The following ZSCAN18 variants were observed in gnomAD, a reference collection of about 807,000 sequenced individuals.
The protein encoded by ZSCAN18 is zinc finger and SCAN domain containing 18, also known as zinc finger and SCAN domain-containing protein 18.
ZSCAN18 carries 16 observed loss-of-function variants against 31.1 expected under a neutral mutation model. That is an observed-to-expected ratio of 0.51 (90% confidence interval 0.35 to 0.78). The LOEUF (loss-of-function observed/expected upper bound fraction) is 0.78. Ranked by LOEUF, ZSCAN18 falls within the 30% of genes least tolerant of loss-of-function variation. The pLI, the probability that ZSCAN18 is intolerant of heterozygous loss-of-function variation, is 0.01. For synonymous variants in ZSCAN18, 375 were observed against 320.7 expected (o/e 1.17, Z -1.81); for missense variants, 731 against 697.4 (o/e 1.05, Z -0.54).
Position 58,098,210 on chromosome 19 carries a change from C to G in ZSCAN18, c.-156G>C, listed in dbSNP as rs1210943474. 2.0e-6 allele frequency: 2 copies of G among 985,530 alleles called. No homozygotes were observed. Among genetic ancestry groups the G allele is most frequent in the Non-Finnish European group, 2.4e-6 (2 of 830,010 alleles). The allele number at this position is 985,530 out of a possible 1,614,324, so 61.0% of individuals were successfully genotyped here. A position where few individuals can be genotyped will look rare whatever the true frequency, so the allele number is the denominator to read the frequency against. On this transcript the variant is annotated 5_prime_UTR_variant, in exon 1 of 7. Transcript: ENST00000601144. The stretch of plus-strand genomic sequence containing the variant: ...CTACCCCAGGCCGGTCCCAGCCGCC[C>G]GGAGCCCCAGTGCGCGATGGCGGCC...
In ZSCAN18 at chr19:58,088,822, G is replaced by A; in HGVS notation, c.419C>T (p.Ser140Phe). ...AAGAATTGAGGATGAGCCCGCAGGGGAGCCCAGCAGCATCCCTGTCAACAG... is the reference window on the plus strand; with the variant it reads ...AAGAATTGAGGATGAGCCCGCAGGGAAGCCCAGCAGCATCCCTGTCAACAG... ...VLEEPGMLLG[S>F]PAGSSSILSD... Residue 140 changes from serine (S) to phenylalanine (F), a missense_variant, in exon 3 of 7, where the codon TCC (serine) becomes TTC (phenylalanine). Ser to Phe is a radical substitution (Grantham distance 155, BLOSUM62 -2). Coordinates refer to ENST00000601144, the MANE Select transcript of ZSCAN18 (RefSeq NM_001145543.2). The A allele has an allele frequency of 6.2e-7, 1 of 1,611,894 alleles. No homozygotes were observed. The highest frequency in any genetic ancestry group is 8.5e-7 in the Non-Finnish European group (1 of 1,179,100).
intron 1 of ZSCAN18, chr19:58,107,529 G>T: frequency 2.1e-6 from 1 of 467,970 alleles, no homozygotes; most frequent in Non-Finnish European, 2.8e-6. Context: ...CTACTGCACT[G>T]CAGCCTGGGT....
Position 58,089,912 on chromosome 19 carries a change from T to A in ZSCAN18, c.356A>T (p.Lys119Met). Residue 119 changes from lysine (K) to methionine (M), a missense_variant, in exon 2 of 7, where the codon AAG becomes ATG. This residue lies in a region of ZSCAN18 where 46 missense variants were observed against 60.6 expected (regional missense o/e 0.76). Coordinates refer to ENST00000601144, the MANE Select transcript of ZSCAN18 (RefSeq NM_001145543.2). ...GAGGCCCTCCACCAGGGAGGCTGCCTTCTTGCAGCTCTCAGGGTACTGTGC... is the reference window on the plus strand; with the variant it reads ...GAGGCCCTCCACCAGGGAGGCTGCCATCTTGCAGCTCTCAGGGTACTGTGC... ...VVAQYPESCK[K>M]AASLVEGLAD... The A allele has an allele frequency of 6.2e-7, 1 of 1,613,738 alleles. No individual in the cohort carries two copies. The highest frequency in any genetic ancestry group is 8.5e-7 in the Non-Finnish European group (1 of 1,179,730).
At chr19:58,092,845 C>T (rs12981202) in intron 1 of ZSCAN18, 72,569 of 382,420 alleles carry the variant, frequency 0.19, 7,270 homozygotes, top group Middle Eastern at 0.34. Flanking sequence ...ATGATCATAG[C>T]TTATTGCAGC....
At position 58,089,853 on chromosome 19, in the gene ZSCAN18, G is replaced by C. The variant is rs200472177; in HGVS notation, c.403+12C>G. The C allele has an allele frequency of 1.3e-6, 2 of 1,599,522 alleles. No homozygotes were observed. Among genetic ancestry groups the C allele is most frequent in the East Asian group, 2.2e-5 (1 of 44,724 alleles). On this transcript the variant is annotated intron_variant, in intron 2 of 6. Transcript: ENST00000601144. ...CTCCTCTGAGCCATGCTTCTCCTCT[G>C]TGACAGCCCACCTGGCTCTTCCAGG...
intron 1 of ZSCAN18, among the ~76,000 whole-genome samples, chr19:58,114,975 G>T (rs73939247): frequency 7.2e-5 from 11 of 152,314 alleles, no homozygotes; most frequent in African/African-American, 2.6e-4. Context: ...TGATGCTAGC[G>T]CTAGAAGCTG....
intron 1 of ZSCAN18, among the ~76,000 whole-genome samples, chr19:58,110,339 C>A (rs1370633119): frequency 2.0e-5 from 3 of 152,178 alleles, no homozygotes; most frequent in Non-Finnish European, 4.4e-5. Context: ...CTTCCTTCAC[C>A]TGTCCCACCC....
intron 1 of ZSCAN18, among the ~76,000 whole-genome samples, chr19:58,114,988 A>G (rs757543108): frequency 7.2e-5 from 11 of 152,206 alleles, no homozygotes; most frequent in Non-Finnish European, 1.2e-4. Flanking sequence ...AGAAGCTGTT[A>G]AAAAACAACT....
chr19:58,103,109 G>A (rs1001536691), upstream of ZSCAN18, among the ~76,000 whole-genome samples: 8 of 145,616 alleles, frequency 5.5e-5, no homozygotes, highest in East Asian at 2.0e-4. Context: ...GTGACACAGC[G>A]AGACTCTCTC....
intron 1 of ZSCAN18, chr19:58,107,819 T>A (rs923715555): frequency 5.0e-5 from 50 of 999,884 alleles, no homozygotes; most frequent in Admixed American, 5.9e-5. Flanking sequence ...TTGGGAAAAC[T>A]TTCCCACACT....
At chr19:58,110,205 C>T (rs1010914848) in intron 1 of ZSCAN18, among the ~76,000 whole-genome samples, 1 of 152,166 alleles carries the variant, frequency 6.6e-6, no homozygotes, top group Non-Finnish European at 1.5e-5. Context: ...GAAGTCCCTT[C>T]ACTGAGAAGA....
intron 1 of ZSCAN18, among the ~76,000 whole-genome samples, chr19:58,091,634 C>T (rs1168206232): frequency 6.6e-6 from 1 of 152,112 alleles, no homozygotes; most frequent in African/African-American, 2.4e-5. Context: ...TACAGGGCAG[C>T]CCTATCATTA....
At chr19:58,089,754 C>T in intron 2 of ZSCAN18, 111 bp downstream of exon 2, 1 of 1,349,576 alleles carries the variant, frequency 7.4e-7, no homozygotes, top group Non-Finnish European at 1.0e-6. Context: ...GGAGCTGCCT[C>T]AGCAGTGTGG....
At chr19:58,100,682 C>T (rs925442129), upstream of ZSCAN18, among the ~76,000 whole-genome samples, 7 of 60,766 alleles carry the variant, frequency 1.2e-4, no homozygotes, top group East Asian at 4.2e-4. Flanking sequence ...GGCCAGCGGG[C>T]GGATCACGAG....
intron 1 of ZSCAN18, among the ~76,000 whole-genome samples, chr19:58,110,732 C>T (rs1170818648): frequency 6.6e-6 from 1 of 152,220 alleles, no homozygotes; most frequent in Non-Finnish European, 1.5e-5. Context: ...AAGTTATAAT[C>T]ACCCTTTTAT....
At position 58,105,535 on chromosome 19, in the gene ZSCAN18, C is replaced by T. The variant is rs377214620; in HGVS notation, c.130+12732G>A. ...AATTAGCCGGGCGTGGTGGCGGGTG[C>T]CTGTAGTCCCAGCTACTCGGGAGGC... On this transcript the variant is annotated intron_variant, in intron 1 of 1. Transcript: ENST00000595721. Among the ~76,000 whole-genome samples, 151 of 152,220 alleles carry T rather than the reference C, an allele frequency of 9.9e-4. 3 individuals carry two copies. In the South Asian group the frequency reaches 0.03, roughly 30 times the overall value.
At chr19:58,115,499 T>C (rs2074722406) in intron 1 of ZSCAN18, among the ~76,000 whole-genome samples, 1 of 152,210 alleles carries the variant, frequency 6.6e-6, no homozygotes, top group Non-Finnish European at 1.5e-5. Flanking sequence ...TCACAGAGAA[T>C]CATTTTGAAA....
At chr19:58,097,966 C>A in intron 1 of ZSCAN18, 1 of 985,538 alleles carries the variant, frequency 1.0e-6, no homozygotes, top group Non-Finnish European at 1.2e-6. Flanking sequence ...GGATCTCAGC[C>A]ACCTCCGGGG....
intron 1 of ZSCAN18, chr19:58,108,562 G>C (rs1437476033): frequency 1.0e-6 from 1 of 985,782 alleles, no homozygotes; most frequent in Non-Finnish European, 1.2e-6. Flanking sequence ...GTAATTCTTA[G>C]AGAGGGATTT....
Sources: gnomAD v4.1 joint callset for allele counts (sites outside exome capture counted in the v4.1 genomes callset) on GRCh38, gnomAD v4.1.1 for gene constraint, gnomAD v4.1.1 regional missense constraint, MANE v1.5 for transcripts, NCBI Gene and HGNC (gene_info 2026-07-23, HGNC 2026-07-21) for gene names.